GPR35: variants seen among roughly 807,000 people sequenced by gnomAD.
GPR35 encodes G protein-coupled receptor 35.
For missense variants in GPR35, 372 were observed against 422.5 expected, an observed-to-expected ratio of 0.88 and a Z score of 1.05; for synonymous variants, 207 against 198.4, an observed-to-expected ratio of 1.04 and a Z score of -0.36.
upstream of GPR35, among the ~76,000 whole-genome samples, chr2:240,620,501 C>A (rs536415660): frequency 6.6e-6 from 1 of 152,154 alleles, no homozygotes; most frequent in Non-Finnish European, 1.5e-5. Context: ...GCCCTGGGTG[C>A]GACTTGCAGC....
chr2:240,622,609 A>T (rs907619923), upstream of GPR35, among the ~76,000 whole-genome samples: 1 of 152,268 alleles, frequency 6.6e-6, no homozygotes, highest in Non-Finnish European at 1.5e-5. Flanking sequence ...CAAAGCCCGC[A>T]GCCCGAGTGT....
At chr2:240,621,404 G>A (rs548449432), upstream of GPR35, among the ~76,000 whole-genome samples, 3 of 152,114 alleles carry the variant, frequency 2.0e-5, no homozygotes, top group Non-Finnish European at 4.4e-5. Context: ...ACAGGCACGC[G>A]CCACCACGCC....
chr2:240,626,529 G>T (rs2043380782), intron 1 of GPR35, among the ~76,000 whole-genome samples: 1 of 152,108 alleles, frequency 6.6e-6, no homozygotes, highest in Non-Finnish European at 1.5e-5. Flanking sequence ...GGCTGATGAA[G>T]ACTTGGAGCC....
At chr2:240,623,384 GGC>G (rs2043325749), upstream of GPR35, among the ~76,000 whole-genome samples, 2 of 104,120 alleles carry the variant, frequency 1.9e-5, 1 homozygote, top group Non-Finnish European at 4.6e-5. Context: ...AGGTCGTGAG[GGC>G]GCAAACAGGT....
chr2:240,618,405 A>G (rs1282597566), intron 4 of GPR35, among the ~76,000 whole-genome samples: 1 of 152,248 alleles, frequency 6.6e-6, no homozygotes, highest in Non-Finnish European at 1.5e-5. Context: ...TACTTAAAAT[A>G]ATGAAAACTT....
chr2:240,616,809 A>G lies in GPR35; in HGVS notation c.-452-281A>G, dbSNP rs763879406. Among the ~76,000 whole-genome samples the G allele has an allele frequency of 2.1e-4, 31 of 150,366 alleles. No homozygotes were observed. In the Middle Eastern group the frequency reaches 0.011, roughly 52 times the overall value. ...TGATTAGGTTGAAAGAGACCATGGC[A>G]TCTGTCTTGGATGCATACTCTCTCT... On this transcript the variant is annotated intron_variant, in intron 3 of 5. Transcript: ENST00000319838.
upstream of GPR35, among the ~76,000 whole-genome samples, chr2:240,623,436 G>GTGAGGGCGCAAACAGGTCA (rs2043328715): frequency 1.8e-5 from 1 of 55,028 alleles, no homozygotes; most frequent in Non-Finnish European, 4.4e-5. Context: ...CAAACAGGTC[G>GTGAGGGCGCAAACAGGTCA]TGAGGGCGCA....
At chr2:240,612,588 C>A (rs926007226) in intron 2 of GPR35, among the ~76,000 whole-genome samples, 3 of 152,122 alleles carry the variant, frequency 2.0e-5, no homozygotes, top group African/African-American at 7.2e-5. Context: ...GTGGGCTGAC[C>A]ATGGTGGGAT....
intron 1 of GPR35, chr2:240,628,254 G>C (rs1441057259): frequency 2.0e-5 from 3 of 152,220 alleles, no homozygotes; most frequent in Non-Finnish European, 4.4e-5. Context: ...CCCAGCGATT[G>C]GTTCCAGTGG....
In GPR35 at chr2:240,630,898, C is replaced by T. The variant is rs199553393; in HGVS notation, c.*16C>T. 141 of 1,597,042 alleles carry T rather than the reference C, an allele frequency of 8.8e-5. No homozygotes were observed. In the East Asian group the frequency reaches 1.3e-3, roughly 14 times the overall value. On this transcript the variant is annotated 3_prime_UTR_variant, in exon 2 of 2. Coordinates refer to ENST00000407714, the MANE Select transcript of GPR35 (RefSeq NM_005301.5). ...CCTCGCCTAAGAGGCGTGCTGTGGG[C>T]GCTGTGGGCCAGGTCTCGGGGGCTC...
chr2:240,616,222 C>T (rs553168881), intron 2 of GPR35, among the ~76,000 whole-genome samples: 1 of 152,244 alleles, frequency 6.6e-6, no homozygotes, highest in African/African-American at 2.4e-5. Context: ...TGCACTATTG[C>T]AGTCGTGAAT....
intron 2 of GPR35, among the ~76,000 whole-genome samples, chr2:240,609,586 A>T (rs1175632338): frequency 6.6e-6 from 1 of 152,246 alleles, no homozygotes; most frequent in East Asian, 1.9e-4. Flanking sequence ...CATATTCTGT[A>T]TAACTTAAAT....
Position 240,630,572 on chromosome 2 carries a change from G to A in GPR35, c.620G>A (p.Gly207Glu). 2 of 1,612,822 alleles carry A rather than the reference G, an allele frequency of 1.2e-6. No individual in the cohort carries two copies. Among genetic ancestry groups the A allele is most frequent in the Non-Finnish European group, 1.7e-6 (2 of 1,179,932 alleles). Residue 207 changes from glycine to glutamate, a missense_variant, in exon 2 of 2, where the codon GGG becomes GAG. Physicochemically the swap from Gly to Glu is moderately conservative, Grantham distance 98. Transcript: ENST00000407714. ...GCCCAGAGGCCACCCACCGACGTGG[G>A]GCAGGCAGAGGCCACCCGCAAGGCT... ...ALAQRPPTDVGQAEATRKAAR... is the reference protein window; with the variant it reads ...ALAQRPPTDVEQAEATRKAAR...
At chr2:240,616,343 TC>T (rs2043236700) in intron 2 of GPR35, 2 of 738,176 alleles carry the variant, frequency 2.7e-6, no homozygotes, top group Non-Finnish European at 5.0e-6. Context: ...CCTGTTGGGT[TC>T]TTAGTTGGCA....
intron 2 of GPR35, among the ~76,000 whole-genome samples, chr2:240,613,691 C>CT (rs1487803096): frequency 2.0e-5 from 3 of 151,982 alleles, no homozygotes; most frequent in Non-Finnish European, 2.9e-5. Flanking sequence ...AACCATAACA[C>CT]TAACTCCACC....
chr2:240,607,631 T>G (rs549486882), intron 2 of GPR35: 6 of 152,334 alleles, frequency 3.9e-5, no homozygotes, highest in African/African-American at 1.4e-4. Context: ...TTTCCAATTG[T>G]TTTTTGCTAG....
At chr2:240,617,419 A>G in intron 4 of GPR35, 3 of 604,288 alleles carry the variant, frequency 5.0e-6, no homozygotes, top group East Asian at 2.8e-5. Context: ...AGCAATAGGT[A>G]GCTGACAATG....
chr2:240,617,536 A>C, intron 4 of GPR35: 1 of 355,238 alleles, frequency 2.8e-6, no homozygotes, highest in East Asian at 5.5e-5. Context: ...ATTTATTAGC[A>C]GAAATGTATC....
chr2:240,615,368 G>A (rs1201433737), intron 2 of GPR35, among the ~76,000 whole-genome samples: 3 of 152,240 alleles, frequency 2.0e-5, no homozygotes, highest in Admixed American at 6.5e-5. Flanking sequence ...TTCAGGGCCA[G>A]TGAGGAAACC....
Sources: gnomAD v4.1 joint callset for allele counts (sites outside exome capture counted in the v4.1 genomes callset) on GRCh38, gnomAD v4.1.1 for gene constraint, MANE v1.5 for transcripts, NCBI Gene and HGNC (gene_info 2026-07-23, HGNC 2026-07-21) for gene names.